Variants in DTX1 observed in about 807,000 individuals in gnomAD.
DTX1 encodes deltex E3 ubiquitin ligase 1, also known as E3 ubiquitin-protein ligase DTX1.
A neutral mutation model predicts 57.8 loss-of-function variants in DTX1; 26 were observed. That is an observed-to-expected ratio of 0.45 (90% CI 0.33 to 0.62). The LOEUF is 0.62. Ranked by LOEUF, DTX1 falls within the 20% of genes least tolerant of loss-of-function variation. DTX1 has a pLI of 0.02. For synonymous variants in DTX1, 398 were observed against 394.1 expected (o/e 1.01, Z -0.12); for missense variants, 704 against 895.3 (o/e 0.79, Z 2.73).
intron 2 of DTX1, among the ~76,000 whole-genome samples, chr12:113,074,550 C>T (rs1430043760): frequency 1.3e-5 from 2 of 152,184 alleles, no homozygotes; most frequent in African/African-American, 2.4e-5. Flanking sequence ...TGTGTGATTT[C>T]GTTGTAGGTC....
intron 2 of DTX1, among the ~76,000 whole-genome samples, chr12:113,068,523 T>C (rs1421477685): frequency 6.6e-6 from 1 of 152,126 alleles, no homozygotes; most frequent in Non-Finnish European, 1.5e-5. Flanking sequence ...TCTAGACAGA[T>C]GGAACAGCAT....
chr12:113,070,088 T>C (rs2044729119), intron 2 of DTX1, among the ~76,000 whole-genome samples: 1 of 152,160 alleles, frequency 6.6e-6, no homozygotes, highest in Non-Finnish European at 1.5e-5. Flanking sequence ...TGGCATCCGG[T>C]GTGCTCCTAA....
rs777497264 is a variant in DTX1, at chr12:113,093,547, G to C, written c.1012G>C (p.Gly338Arg). Residue 338 changes from glycine to arginine, a missense_variant, in exon 5 of 10, where the codon GGG becomes CGG. By Grantham distance (125) the Gly-to-Arg change is moderately radical. Coordinates refer to ENST00000548759, the MANE Select transcript of DTX1 (RefSeq NM_004416.3). This position sits in a 1 kb window ranked among gnomAD's most constrained non-coding sequence, Gnocchi z 4.2. ...CGCCCCCTAACCCCCAGGGATGACC[G>C]GGATACTGCTGTGCGCGGCCGGGCT... ...PVHPALAGMT[G>R]ILLCAAGLPV... 6 of 1,604,796 alleles carry C rather than the reference G, an allele frequency of 3.7e-6. No individual in the cohort carries two copies. In the African/African-American group the frequency reaches 6.7e-5, roughly 18 times the overall value.
intron 2 of DTX1, among the ~76,000 whole-genome samples, chr12:113,069,585 C>T (rs1197999299): frequency 6.6e-6 from 1 of 152,172 alleles, no homozygotes; most frequent in Non-Finnish European, 1.5e-5. Context: ...AAACAGAACA[C>T]TGCGGGATTA....
rs774692655 is a variant in DTX1 at position 113,086,999 on chromosome 12, C to CCCGGG, written c.942-6159_942-6155dup. Among the ~76,000 whole-genome samples the CCCGGG allele has an allele frequency of 6.5e-4, 98 of 151,838 alleles. 1 individual carries two copies. Among genetic ancestry groups the CCCGGG allele is most frequent in the Non-Finnish European group, 1.2e-3 (79 of 67,914 alleles). On this transcript the variant is annotated intron_variant, in intron 3 of 9. Coordinates refer to ENST00000548759, the MANE Select transcript of DTX1 (RefSeq NM_004416.3). ...CACACTCCTGTCTGCACGTGGCTGC[C>CCCGGG]CCGGGCCGTGGGAACAGCCGGTCCT...
chr12:113,059,461 G>A (rs1209261423), intron 2 of DTX1, among the ~76,000 whole-genome samples: 3 of 152,160 alleles, frequency 2.0e-5, no homozygotes, highest in African/African-American at 7.2e-5. Context: ...TGCGTTGGTG[G>A]TAATGTGATG....
Position 113,059,256 on chromosome 12 carries a change from G to C in DTX1, c.259+805G>C, listed in dbSNP as rs546825028. Reference sequence around the variant, plus strand: ...AGCGTTAACCATGGGATTCAGTGGTGTTGGTGACATTGATAGTTGTGTTGG... The same window carrying C: ...AGCGTTAACCATGGGATTCAGTGGTCTTGGTGACATTGATAGTTGTGTTGG... On this transcript the variant is annotated intron_variant, in intron 2 of 9. Transcript: ENST00000548759. Among the ~76,000 whole-genome samples the C allele has an allele frequency of 5.3e-5, 8 of 152,244 alleles. 1 individual carries two copies. The South Asian group carries it at 1.7e-3, about 32-fold the overall frequency.
intron 3 of DTX1, among the ~76,000 whole-genome samples, chr12:113,079,183 G>A (rs1022995756): frequency 6.6e-6 from 1 of 152,130 alleles, no homozygotes; most frequent in Non-Finnish European, 1.5e-5. Context: ...TGAGAGGAAA[G>A]ATCAAAGACC....
At position 113,093,587 on chromosome 12, in the gene DTX1, C is replaced by A. The variant is rs1417518266; in HGVS notation, c.1052C>A (p.Thr351Lys). The change falls in exon 5 of 10, where the codon ACG becomes AAG. Residue 351 changes from threonine to lysine, a missense_variant. This residue lies in a region of DTX1 where 299 missense variants were observed against 311.2 expected (regional missense o/e 0.96). Coordinates refer to ENST00000548759, the MANE Select transcript of DTX1 (RefSeq NM_004416.3). The surrounding 1 kb of genome is among the most constrained non-coding windows in gnomAD (Gnocchi z 4.2). ...GCGGCCGGGCTGCCCGTGTGCCTGA[C>A]GCGGGCCCCCAAGCCCATCCTGCAC... Reference protein sequence around the residue: ...LCAAGLPVCLTRAPKPILHPP... With the variant: ...LCAAGLPVCLKRAPKPILHPP... 1.2e-6 allele frequency: 2 copies of A among 1,611,406 alleles called. No homozygotes were observed. Among genetic ancestry groups the A allele is most frequent in the Non-Finnish European group, 1.7e-6 (2 of 1,178,992 alleles).
intron 2 of DTX1, among the ~76,000 whole-genome samples, chr12:113,074,069 A>G (rs1732801): frequency 0.3 from 46,064 of 151,874 alleles, 7,296 homozygotes; most frequent in Middle Eastern, 0.36. Flanking sequence ...CGTCTCTACG[A>G]AAAATACAAA....
Position 113,077,380 on chromosome 12 carries a change from C to A in DTX1, c.260-44C>A. 6.5e-7 allele frequency: 1 copy of A among 1,549,430 alleles called. No individual in the cohort carries two copies. Among genetic ancestry groups the A allele is most frequent in the Non-Finnish European group, 8.7e-7 (1 of 1,154,942 alleles). On this transcript the variant is annotated intron_variant, in intron 2 of 9. Coordinates refer to ENST00000548759, the MANE Select transcript of DTX1 (RefSeq NM_004416.3). This position sits in a 1 kb window ranked among gnomAD's most constrained non-coding sequence, Gnocchi z 7.8. ...TGGCCCGCCCTTCCAGCCGCGCAGA[C>A]CAACGCCCGCTGTGCTGACGCCTCC...
In DTX1 at chr12:113,077,452, C is replaced by A; in HGVS notation, c.288C>A (p.Phe96Leu). The part of the protein sequence containing the change: ...TGTMRPVRRN[F>L]YDPSSAPGKG... ...CCATGCGGCCCGTGCGGCGCAACTT[C>A]TACGACCCGTCGTCGGCGCCGGGCA... Residue 96 changes from phenylalanine (F) to leucine (L), a missense_variant, in exon 3 of 10, where the codon TTC (phenylalanine) becomes TTA (leucine). By Grantham distance (22) the Phe-to-Leu change is conservative. Coordinates refer to ENST00000548759, the MANE Select transcript of DTX1 (RefSeq NM_004416.3). This position sits in a 1 kb window ranked among gnomAD's most constrained non-coding sequence, Gnocchi z 7.8. The A allele has an allele frequency of 6.2e-7, 1 of 1,610,884 alleles. No individual in the cohort carries two copies.
intron 2 of DTX1, among the ~76,000 whole-genome samples, chr12:113,076,119 G>A (rs1566016392): frequency 1.3e-5 from 2 of 152,068 alleles, no homozygotes; most frequent in Admixed American, 6.6e-5. Flanking sequence ...GCCTGAATAC[G>A]GGAGTGGGCT....
rs530996437 is a variant in DTX1 at position 113,065,336 on chromosome 12, C to T, written c.259+6885C>T. 5.3e-5 allele frequency among the ~76,000 whole-genome samples: 8 copies of T among 152,304 alleles called. 1 individual carries two copies. The South Asian group carries it at 1.2e-3, about 24-fold the overall frequency. On this transcript the variant is annotated intron_variant, in intron 2 of 9. Transcript: ENST00000548759. ...GCCGCCTGCCGACGCTGAGAAGAGA[C>T]GGGTCTGAGATCAGATCCAGGTCTG...
chr12:113,083,149 C>T, intron 3 of DTX1, among the ~76,000 whole-genome samples: 1 of 152,138 alleles, frequency 6.6e-6, no homozygotes, highest in East Asian at 1.9e-4. Context: ...GGACATCAGT[C>T]CTATTGGATT....
chr12:113,064,294 C>T (rs1446751729), intron 2 of DTX1, among the ~76,000 whole-genome samples: 1 of 152,242 alleles, frequency 6.6e-6, no homozygotes, highest in Non-Finnish European at 1.5e-5. Flanking sequence ...TCCCCAACCA[C>T]CAGTCACGCT....
At chr12:113,089,099 G>A (rs763525237) in intron 3 of DTX1, among the ~76,000 whole-genome samples, 2 of 152,174 alleles carry the variant, frequency 1.3e-5, no homozygotes, top group African/African-American at 2.4e-5. Flanking sequence ...GTGAGGGAGT[G>A]TGCCATGAGG....
At chr12:113,088,526 C>G (rs549308983) in intron 3 of DTX1, among the ~76,000 whole-genome samples, 1 of 152,154 alleles carries the variant, frequency 6.6e-6, no homozygotes, top group Non-Finnish European at 1.5e-5. Context: ...AGTTAATGGG[C>G]GCAGCACACC....
intron 3 of DTX1, among the ~76,000 whole-genome samples, chr12:113,084,459 C>CAGTGGCACA (rs2044841246): frequency 1.3e-5 from 2 of 152,190 alleles, no homozygotes; most frequent in African/African-American, 4.8e-5. Context: ...AATTATAGCT[C>CAGTGGCACA]ACTGCAACCT....
Sources: gnomAD v4.1 joint callset for allele counts (sites outside exome capture counted in the v4.1 genomes callset) on GRCh38, gnomAD v4.1.1 for gene constraint, gnomAD v4.1.1 regional missense constraint, Gnocchi (gnomAD v3.1) non-coding constraint, MANE v1.5 for transcripts, NCBI Gene and HGNC (gene_info 2026-07-23, HGNC 2026-07-21) for gene names.